Variants in SH3RF1 observed in about 807,000 individuals in gnomAD.
SH3RF1 encodes the protein E3 ubiquitin-protein ligase SH3RF1.
SH3RF1 carries 32 observed loss-of-function variants against 74.0 expected under a neutral mutation model. The ratio of observed to expected loss-of-function variants is 0.43; its 90% CI spans 0.33 to 0.58. The LOEUF is 0.58. Among genes scored for constraint, SH3RF1 ranks in the 20% least tolerant of loss-of-function variants. The probability of loss-of-function intolerance (pLI) is 0.05; values close to 1 mark genes in which losing one functional copy is unlikely to be tolerated. For missense variants in SH3RF1, 954 were observed against 1,130.9 expected, an observed-to-expected ratio of 0.84 and a Z score of 2.24; for synonymous variants, 396 against 439.6, an observed-to-expected ratio of 0.90 and a Z score of 1.24.
intron 2 of SH3RF1, among the ~76,000 whole-genome samples, chr4:169,183,858 T>C (rs1428832248): frequency 2.0e-5 from 3 of 152,048 alleles, no homozygotes; most frequent in Non-Finnish European, 4.4e-5. Context: ...TTTGCTAAAA[T>C]ACTAGAAATG....
At chr4:169,101,516 C>T (rs1017322049) in intron 11 of SH3RF1, among the ~76,000 whole-genome samples, 5 of 151,926 alleles carry the variant, frequency 3.3e-5, no homozygotes, top group African/African-American at 1.2e-4. Flanking sequence ...AGAAAAAGTT[C>T]TAGAAACGGA....
At chr4:169,204,704 C>T (rs1200019295) in intron 2 of SH3RF1, among the ~76,000 whole-genome samples, 2 of 152,016 alleles carry the variant, frequency 1.3e-5, no homozygotes, top group Non-Finnish European at 1.5e-5. Context: ...GCATGCACTA[C>T]CACGCCCGGC....
At chr4:169,127,182 G>A (rs1003791457) in intron 6 of SH3RF1, among the ~76,000 whole-genome samples, 63 of 152,254 alleles carry the variant, frequency 4.1e-4, no homozygotes, top group East Asian at 1.2e-3. Flanking sequence ...CATAATGTTG[G>A]ATATTTAAAA....
At chr4:169,172,741 G>A (rs1187202011) in intron 2 of SH3RF1, among the ~76,000 whole-genome samples, 1 of 152,142 alleles carries the variant, frequency 6.6e-6, no homozygotes, top group Non-Finnish European at 1.5e-5. Flanking sequence ...ACATTTGACT[G>A]ACATTTGGGC....
intron 2 of SH3RF1, among the ~76,000 whole-genome samples, chr4:169,258,809 A>G (rs974973291): frequency 1.3e-5 from 2 of 152,202 alleles, no homozygotes; most frequent in African/African-American, 4.8e-5. Flanking sequence ...TTTTTTAAGG[A>G]TATTTAAAAA....
At chr4:169,243,457 G>T (rs750646018) in intron 2 of SH3RF1, among the ~76,000 whole-genome samples, 1 of 152,178 alleles carries the variant, frequency 6.6e-6, no homozygotes, top group African/African-American at 2.4e-5. Flanking sequence ...AGGTTGCAGT[G>T]AGCCAAGATC....
chr4:169,098,651 C>T (rs1732969095), intron 11 of SH3RF1, among the ~76,000 whole-genome samples: 1 of 152,188 alleles, frequency 6.6e-6, no homozygotes, highest in Non-Finnish European at 1.5e-5. Context: ...CTAATTCAAA[C>T]ATGAATATTC....
chr4:169,129,897 A>T (rs1733584059), intron 6 of SH3RF1, 149 bp downstream of exon 6: 3 of 647,296 alleles, frequency 4.6e-6, no homozygotes, highest in African/African-American at 3.8e-5. Context: ...ATGTTTTGTT[A>T]AGATTAACAG....
intron 2 of SH3RF1, among the ~76,000 whole-genome samples, chr4:169,229,869 C>T (rs1404486294): frequency 2.0e-5 from 3 of 152,194 alleles, no homozygotes; most frequent in African/African-American, 4.8e-5. Context: ...TATGAAAAGG[C>T]TCCTGCTGTC....
intron 5 of SH3RF1, 28 bp downstream of exon 5, chr4:169,136,290 T>C (rs373088831): frequency 3.1e-5 from 42 of 1,367,794 alleles, no homozygotes; most frequent in Non-Finnish European, 3.9e-5. Flanking sequence ...GTGAGCTCTT[T>C]TTATATAACA....
intron 2 of SH3RF1, among the ~76,000 whole-genome samples, chr4:169,263,180 C>G (rs1731306555): frequency 6.6e-6 from 1 of 152,172 alleles, no homozygotes; most frequent in Non-Finnish European, 1.5e-5. Context: ...GTGAACCTTA[C>G]ACGCCAGGGG....
At chr4:169,126,107 C>T (rs1295885235) in intron 6 of SH3RF1, among the ~76,000 whole-genome samples, 3 of 152,298 alleles carry the variant, frequency 2.0e-5, no homozygotes, top group Non-Finnish European at 4.4e-5. Context: ...AGCAGAAGCT[C>T]AATAAATAGA....
At chr4:169,114,774 T>C (rs1733303788) in intron 10 of SH3RF1, among the ~76,000 whole-genome samples, 1 of 152,254 alleles carries the variant, frequency 6.6e-6, no homozygotes, top group African/African-American at 2.4e-5. Flanking sequence ...AAAACTCTCA[T>C]GTTAACCGAA....
intron 2 of SH3RF1, among the ~76,000 whole-genome samples, chr4:169,246,889 T>C (rs932033619): frequency 1.3e-5 from 2 of 152,232 alleles, no homozygotes; most frequent in Non-Finnish European, 2.9e-5. Context: ...GCAAGACTGC[T>C]GTAGAAAGAA....
intron 2 of SH3RF1, among the ~76,000 whole-genome samples, chr4:169,268,591 G>T (rs914780154): frequency 1.3e-5 from 2 of 152,068 alleles, no homozygotes; most frequent in African/African-American, 4.8e-5. Flanking sequence ...TATCTTAAAA[G>T]ATAACAGAGA....
At chr4:169,177,516 T>C (rs148201453) in intron 2 of SH3RF1, among the ~76,000 whole-genome samples, 151 of 152,324 alleles carry the variant, frequency 9.9e-4, no homozygotes, top group Middle Eastern at 3.4e-3. Flanking sequence ...ACAATAAATT[T>C]GTAAATGCAA....
At chr4:169,243,381 C>T (rs949808830) in intron 2 of SH3RF1, among the ~76,000 whole-genome samples, 10 of 152,122 alleles carry the variant, frequency 6.6e-5, no homozygotes, top group African/African-American at 1.4e-4. Flanking sequence ...GGCATTACAG[C>T]GCATGCCTGT....
At chr4:169,256,775 A>T (rs1731200124) in intron 2 of SH3RF1, among the ~76,000 whole-genome samples, 1 of 151,908 alleles carries the variant, frequency 6.6e-6, no homozygotes, top group Admixed American at 6.6e-5. Flanking sequence ...TTAAAAAAAA[A>T]ATTTAGAAGG....
intron 11 of SH3RF1, among the ~76,000 whole-genome samples, chr4:169,099,484 T>G (rs893852219): frequency 2.6e-5 from 4 of 152,182 alleles, no homozygotes; most frequent in Non-Finnish European, 5.9e-5. Context: ...GTCAACATGC[T>G]AAAAATCCAT....
Sources: allele counts gnomAD v4.1 joint callset (sites outside exome capture counted in the v4.1 genomes callset), GRCh38; gene constraint gnomAD v4.1.1; transcripts MANE v1.5; gene names NCBI Gene and HGNC (gene_info 2026-07-23, HGNC 2026-07-21).